The following COX4I1 variants were observed in gnomAD, a reference collection of about 807,000 sequenced individuals.
COX4I1 encodes cytochrome c oxidase subunit 4I1.
COX4I1 carries 18 observed loss-of-function variants against 21.7 expected under a neutral mutation model. The ratio of observed to expected loss-of-function variants is 0.83; its 90% CI spans 0.57 to 1.23. The LOEUF is 1.23. Ranked by LOEUF, COX4I1 falls within the 50% of genes most tolerant of loss-of-function variation. COX4I1 has a pLI of 0.00. For missense variants in COX4I1, 238 were observed against 220.7 expected (o/e 1.08, Z -0.50); for synonymous variants, 100 against 81.5 (o/e 1.23, Z -1.23).
chr16:85,806,705 T>G, intron 4 of COX4I1, 33 bp from the exon 5 acceptor site: 1 of 1,613,984 alleles, frequency 6.2e-7, no homozygotes, highest in Non-Finnish European at 8.5e-7. Context: ...CCTGTTGAGA[T>G]AGTCTTGCCC....
chr16:85,806,442 A>G (rs746881682), intron 4 of COX4I1: 8 of 702,586 alleles, frequency 1.1e-5, no homozygotes, highest in African/African-American at 7.0e-5. Flanking sequence ...ACCCGAATCT[A>G]TTTGATCTTC....
In COX4I1 at chr16:85,806,909, T is replaced by C; in HGVS notation, c.*35T>C. The C allele has an allele frequency of 1.3e-6, 2 of 1,594,438 alleles. No homozygotes were observed. Among genetic ancestry groups the C allele is most frequent in the Admixed American group, 1.7e-5 (1 of 58,714 alleles). On this transcript the variant is annotated 3_prime_UTR_variant, in exon 5 of 5. Transcript: ENST00000253452. ...GCCTGCGCCTGCACCTGCGCCTGGC[T>C]CTGTCACCGCCATGCAACTCCATGC...
At chr16:85,800,102 C>T (rs1410335653) in intron 1 of COX4I1, among the ~76,000 whole-genome samples, 1 of 152,162 alleles carries the variant, frequency 6.6e-6, no homozygotes, top group Non-Finnish European at 1.5e-5. Context: ...TCAAAAGGTC[C>T]CTGTGCAACC....
In COX4I1 at chr16:85,805,621, GCT is replaced by G. The variant is rs1906129937; in HGVS notation, c.242-109_242-108del. On this transcript the variant is annotated intron_variant, in intron 3 of 4. Coordinates refer to ENST00000253452, the MANE Select transcript of COX4I1 (RefSeq NM_001861.6). The stretch of plus-strand genomic sequence containing the variant: ...GTGGCCTGGGTTGGTGTATCCTTCA[GCT>G]CTGTGTTTCCTCCTTCACAAGTGTG... The G allele has an allele frequency of 1.6e-5, 24 of 1,504,574 alleles. No individual in the cohort carries two copies. The South Asian group carries it at 3.0e-4, about 19-fold the overall frequency. The allele number at this position is 1,504,574 out of a possible 1,614,324, so 93.2% of individuals were successfully genotyped here.
At chr16:85,804,845 C>T in intron 2 of COX4I1, 92 bp from the exon 3 acceptor site, 1 of 1,163,428 alleles carries the variant, frequency 8.6e-7, no homozygotes, top group Non-Finnish European at 1.2e-6. Flanking sequence ...TCAAGGCGTG[C>T]ACATGTCTGT....
At position 85,805,123 on chromosome 16, in the gene COX4I1, C is replaced by A; in HGVS notation, c.241+19C>A. On this transcript the variant is annotated intron_variant, in intron 3 of 4. Coordinates refer to ENST00000253452, the MANE Select transcript of COX4I1 (RefSeq NM_001861.6). ...GTCGAGTGTGGGTATTGAAGGGACC[C>A]ACAGGCGCGCCCAGCAGCTCTCGGA... 1 of 1,601,910 alleles carries A rather than the reference C, an allele frequency of 6.2e-7. No homozygotes were observed.
At chr16:85,806,436 G>A (rs777769340) in intron 4 of COX4I1, 74 of 702,422 alleles carry the variant, frequency 1.1e-4, no homozygotes, top group Middle Eastern at 2.3e-4. Flanking sequence ...TAACAGACCC[G>A]AATCTATTTG....
At position 85,801,235 on chromosome 16, in the gene COX4I1, T is replaced by G; in HGVS notation, c.30T>G (p.Val10=). The G allele has an allele frequency of 1.9e-6, 3 of 1,610,378 alleles. No individual in the cohort carries two copies. Among genetic ancestry groups the G allele is most frequent in the Non-Finnish European group, 2.5e-6 (3 of 1,176,792 alleles). Residue 10 remains valine (V), a synonymous_variant, in exon 2 of 5, where the codon GTT becomes GTG. Coordinates refer to ENST00000253452, the MANE Select transcript of COX4I1 (RefSeq NM_001861.6). ...TGGCTACCAGGGTATTTAGCCTAGT[T>G]GGCAAGCGAGCAATTTCCACCTCTG... The part of the protein sequence containing the change: MLATRVFSL[V]GKRAISTSVC...
chr16:85,806,056 C>A (rs1182447406), intron 4 of COX4I1, 192 bp downstream of exon 4: 2 of 722,106 alleles, frequency 2.8e-6, no homozygotes, highest in East Asian at 5.4e-5. Flanking sequence ...GTTTATAAGC[C>A]AGCATCTGAT....
chr16:85,801,485 C>T (rs932669172), intron 2 of COX4I1, among the ~76,000 whole-genome samples: 7 of 152,138 alleles, frequency 4.6e-5, no homozygotes, highest in African/African-American at 1.7e-4. Flanking sequence ...TTTGGTTATA[C>T]TGATACTTCC....
In COX4I1 at chr16:85,805,833, C is replaced by T. The variant is rs748632617; in HGVS notation, c.342C>T (p.Thr114=). Residue 114 remains threonine (T), a synonymous_variant, in exon 4 of 5, where the codon ACC becomes ACT. Transcript: ENST00000253452. ...GTGCCATGTTCTTCATCGGTTTCAC[C>T]GCGCTCGTTATCATGTGGCAGAAGC... is the stretch of plus-strand genomic sequence containing the variant. ...VGGAMFFIGF[T]ALVIMWQKHY... 1.9e-5 allele frequency: 30 copies of T among 1,614,208 alleles called. No individual in the cohort carries two copies. Among genetic ancestry groups the T allele is most frequent in the African/African-American group, 4.0e-5 (3 of 75,044 alleles).
rs560036790 is a variant in COX4I1 at position 85,799,815 on chromosome 16, A to T, written c.-2+63A>T. On this transcript the variant is annotated intron_variant, in intron 1 of 4. Coordinates refer to ENST00000253452, the MANE Select transcript of COX4I1 (RefSeq NM_001861.6). This position sits in a 1 kb window ranked among gnomAD's most constrained non-coding sequence, Gnocchi z 4.2. Reference sequence around the variant, plus strand: ...GGGCCGGGTCGGGGGGCCGGGAGCCATCAAGTCTGCACGTCCGCAGCCTGG... The same window carrying T: ...GGGCCGGGTCGGGGGGCCGGGAGCCTTCAAGTCTGCACGTCCGCAGCCTGG... 1 of 152,586 alleles carries T rather than the reference A, an allele frequency of 6.6e-6. No homozygotes were observed. The highest frequency in any genetic ancestry group is 2.4e-5 in the African/African-American group (1 of 41,294). 9.5% of individuals were successfully genotyped at this position (152,586 alleles called of 1,614,324 possible).
At chr16:85,804,911 A>G (rs757994903) in intron 2 of COX4I1, 26 bp from the exon 3 acceptor site, 7 of 1,582,928 alleles carry the variant, frequency 4.4e-6, no homozygotes, top group Non-Finnish European at 5.2e-6. Flanking sequence ...ATGGATTTTC[A>G]AAGATTTATT....
chr16:85,800,005 C>G (rs1269246778), intron 1 of COX4I1: 1 of 152,152 alleles, frequency 6.6e-6, no homozygotes, highest in Non-Finnish European at 1.5e-5. Flanking sequence ...GCCTCGGGCA[C>G]TGACCTTGGA....
At position 85,801,328 on chromosome 16, in the gene COX4I1, G is replaced by C. The variant is rs574946540; in HGVS notation, c.73+50G>C. The stretch of plus-strand genomic sequence containing the variant: ...AAATAGGCTGAACTAATTTCATTTT[G>C]CTCCTGCTGTGTATAAAGCCCTGTG... On this transcript the variant is annotated intron_variant, in intron 2 of 4. Transcript: ENST00000253452. 112 of 1,533,818 alleles carry C rather than the reference G, an allele frequency of 7.3e-5. 5 individuals are homozygous for C. In the South Asian group the frequency reaches 9.8e-4, roughly 13 times the overall value.
At chr16:85,800,110 A>T (rs975312492) in intron 1 of COX4I1, among the ~76,000 whole-genome samples, 2 of 151,596 alleles carry the variant, frequency 1.3e-5, no homozygotes, top group African/African-American at 4.9e-5. Context: ...TCCCTGTGCA[A>T]CCCCTCCCGG....
rs1402154359 is a variant in COX4I1, at chr16:85,799,903, C to G, written c.-2+151C>G. On this transcript the variant is annotated intron_variant, in intron 1 of 4. Coordinates refer to ENST00000253452, the MANE Select transcript of COX4I1 (RefSeq NM_001861.6). This position sits in a 1 kb window ranked among gnomAD's most constrained non-coding sequence, Gnocchi z 4.2. ...GAGCCAGGTGACATTGAGGCCGGCC[C>G]GTGGGGACTCCGGGCTCGGTGGCTC... The G allele has an allele frequency of 1.3e-5, 2 of 152,216 alleles. No homozygotes were observed. The highest frequency in any genetic ancestry group is 2.1e-4 in the South Asian group (1 of 4,836). 9.4% of individuals were successfully genotyped at this position (152,216 alleles called of 1,614,324 possible). A position where few individuals can be genotyped will look rare whatever the true frequency, so the allele number is the denominator to read the frequency against.
rs763202122 is a variant in COX4I1 at position 85,806,895 on chromosome 16, C to T, written c.*21C>T. The stretch of plus-strand genomic sequence containing the variant: ...AGTGAGAGATGCTGGCCTGCGCCTG[C>T]ACCTGCGCCTGGCTCTGTCACCGCC... On this transcript the variant is annotated 3_prime_UTR_variant, in exon 5 of 5. Coordinates refer to ENST00000253452, the MANE Select transcript of COX4I1 (RefSeq NM_001861.6). The T allele has an allele frequency of 2.5e-6, 4 of 1,603,214 alleles. No homozygotes were observed. The highest frequency in any genetic ancestry group is 4.5e-5 in the East Asian group (2 of 44,772).
In COX4I1 at chr16:85,806,805, C is replaced by G; in HGVS notation, c.441C>G (p.Asp147Glu). Reference sequence around the variant, plus strand: ...CCAAGCAGACCAAGAGGATGCTGGACATGAAGGTGAACCCCATCCAGGGCT... The same window carrying G: ...CCAAGCAGACCAAGAGGATGCTGGAGATGAAGGTGAACCCCATCCAGGGCT... ...WVAKQTKRML[D>E]MKVNPIQGLA... The change falls in exon 5 of 5, where the codon GAC becomes GAG. Residue 147 changes from aspartate (D) to glutamate (E), a missense_variant. Transcript: ENST00000253452. 1 of 1,614,214 alleles carries G rather than the reference C, an allele frequency of 6.2e-7. No homozygotes were observed. Among genetic ancestry groups the G allele is most frequent in the Non-Finnish European group, 8.5e-7 (1 of 1,180,034 alleles).
Sources: gnomAD v4.1 joint callset for allele counts (sites outside exome capture counted in the v4.1 genomes callset) on GRCh38, gnomAD v4.1.1 for gene constraint, Gnocchi (gnomAD v3.1) non-coding constraint, MANE v1.5 for transcripts, NCBI Gene and HGNC (gene_info 2026-07-23, HGNC 2026-07-21) for gene names.